IMMP2L: variants seen among roughly 807,000 people sequenced by gnomAD.
The protein encoded by IMMP2L is mitochondrial inner membrane protease subunit 2.
Under a neutral mutation model 19.3 loss-of-function variants are expected in IMMP2L, and 18 were observed. The observed-to-expected ratio is 0.93, with a 90% CI of 0.64 to 1.38. The LOEUF (loss-of-function observed/expected upper bound fraction) is 1.38, where lower values mean the gene tolerates loss of function less well. Among genes scored for constraint, IMMP2L ranks in the 40% most tolerant of loss-of-function variants. The pLI, the probability that IMMP2L is intolerant of heterozygous loss-of-function variation, is 0.00. For synonymous variants in IMMP2L, 76 were observed against 73.0 expected (o/e 1.04, Z -0.21); for missense variants, 233 against 218.2 (o/e 1.07, Z -0.43).
intron 3 of IMMP2L, among the ~76,000 whole-genome samples, chr7:111,217,600 G>A (rs1358035726): frequency 2.6e-5 from 4 of 152,182 alleles, no homozygotes; most frequent in South Asian, 4.1e-4. Flanking sequence ...AATAACGTCC[G>A]TTGAGTCAGA....
chr7:111,498,334 A>G (rs531777762), intron 2 of IMMP2L, among the ~76,000 whole-genome samples: 3 of 152,328 alleles, frequency 2.0e-5, no homozygotes, highest in Admixed American at 6.5e-5. Flanking sequence ...TCAATGAAAT[A>G]TAAAATTTAT....
chr7:111,539,174 AGGAAGGAAGGAAGGAAGGAG>A (rs1254991780), intron 1 of IMMP2L, among the ~76,000 whole-genome samples: 53 of 66,642 alleles, frequency 8.0e-4, no homozygotes, highest in African/African-American at 3.5e-3. Flanking sequence ...GAAGGAAGGA[AGGAAGGAAGGAAGGAAGGAG>A]GGAGAAAGAA....
At chr7:111,479,657 T>G (rs1563244266) in intron 3 of IMMP2L, among the ~76,000 whole-genome samples, 1 of 152,170 alleles carries the variant, frequency 6.6e-6, no homozygotes, top group East Asian at 1.9e-4. Flanking sequence ...CATATAATAT[T>G]TAACGTGTAT....
At chr7:110,944,473 G>A (rs547476465) in intron 4 of IMMP2L, among the ~76,000 whole-genome samples, 19 of 151,842 alleles carry the variant, frequency 1.3e-4, no homozygotes, top group Admixed American at 3.3e-4. Context: ...GCGCGCGCAC[G>A]TGTGTGTGTG....
chr7:110,955,858 C>T (rs1241795568), intron 4 of IMMP2L, among the ~76,000 whole-genome samples: 1 of 143,098 alleles, frequency 7.0e-6, no homozygotes, highest in East Asian at 2.0e-4. Context: ...TAAATGAATG[C>T]ATGATCTTCA....
intron 3 of IMMP2L, among the ~76,000 whole-genome samples, chr7:111,375,173 A>G (rs1041392657): frequency 6.6e-6 from 1 of 152,076 alleles, no homozygotes; most frequent in Admixed American, 6.6e-5. Context: ...GTATTTGCCA[A>G]ACATTAAAAG....
intron 3 of IMMP2L, among the ~76,000 whole-genome samples, chr7:111,104,730 T>C (rs1457955552): frequency 6.6e-6 from 1 of 151,812 alleles, no homozygotes; most frequent in Non-Finnish European, 1.5e-5. Flanking sequence ...AGCGATGAGA[T>C]GTTAATGTAT....
At chr7:110,777,301 C>T (rs189079291) in intron 5 of IMMP2L, among the ~76,000 whole-genome samples, 3 of 152,034 alleles carry the variant, frequency 2.0e-5, no homozygotes, top group African/African-American at 4.8e-5. Context: ...AATATGTGAA[C>T]ACAACTCTTC....
intron 4 of IMMP2L, among the ~76,000 whole-genome samples, chr7:110,891,535 T>C (rs777865616): frequency 6.6e-6 from 1 of 152,218 alleles, no homozygotes; most frequent in Non-Finnish European, 1.5e-5. Flanking sequence ...CATTTGGAAA[T>C]ACCCACCTTA....
intron 1 of IMMP2L, among the ~76,000 whole-genome samples, chr7:111,561,530 G>A (rs1268541394): frequency 6.6e-6 from 1 of 152,146 alleles, no homozygotes; most frequent in South Asian, 2.1e-4. Flanking sequence ...TAATAAGATA[G>A]GGGCCGGAGA....
intron 2 of IMMP2L, among the ~76,000 whole-genome samples, chr7:111,491,820 T>C (rs982555530): frequency 2.0e-5 from 3 of 152,146 alleles, no homozygotes; most frequent in Non-Finnish European, 4.4e-5. Context: ...ACTGTAAAGG[T>C]GACCTGGAGG....
chr7:111,068,155 C>CTACA (rs986037816), intron 3 of IMMP2L, among the ~76,000 whole-genome samples: 4 of 151,550 alleles, frequency 2.6e-5, no homozygotes, highest in Admixed American at 6.6e-5. Flanking sequence ...ACACACTCAC[C>CTACA]TACATACATA....
At chr7:111,151,386 G>A (rs1804055121) in intron 3 of IMMP2L, among the ~76,000 whole-genome samples, 1 of 152,146 alleles carries the variant, frequency 6.6e-6, no homozygotes. Context: ...AATTCAACAT[G>A]TGGGAAACTA....
intron 3 of IMMP2L, among the ~76,000 whole-genome samples, chr7:111,432,436 A>C (rs1169893399): frequency 6.6e-6 from 1 of 151,826 alleles, no homozygotes; most frequent in Non-Finnish European, 1.5e-5. Context: ...AATGTGATAC[A>C]TTGCATAAAC....
chr7:111,071,993 G>A (rs1794995044), intron 3 of IMMP2L, among the ~76,000 whole-genome samples: 1 of 152,050 alleles, frequency 6.6e-6, no homozygotes, highest in African/African-American at 2.4e-5. Flanking sequence ...CATGACAAAT[G>A]AGTGAAAATG....
chr7:111,194,372 C>G (rs1482480741), intron 3 of IMMP2L, among the ~76,000 whole-genome samples: 2 of 152,182 alleles, frequency 1.3e-5, no homozygotes, highest in African/African-American at 2.4e-5. Flanking sequence ...CATGTCAACA[C>G]TCATTTATCT....
chr7:111,440,231 A>G (rs943588589), intron 3 of IMMP2L, among the ~76,000 whole-genome samples: 1 of 151,906 alleles, frequency 6.6e-6, no homozygotes, highest in Non-Finnish European at 1.5e-5. Flanking sequence ...AATGGCATCT[A>G]GAATGGTGAA....
chr7:110,797,472 G>A (rs1350434737), intron 5 of IMMP2L, among the ~76,000 whole-genome samples: 2 of 151,956 alleles, frequency 1.3e-5, no homozygotes, highest in Non-Finnish European at 2.9e-5. Flanking sequence ...TCTCCCTGAT[G>A]TAATTAACCA....
intron 3 of IMMP2L, among the ~76,000 whole-genome samples, chr7:111,408,862 G>A (rs1391501017): frequency 6.6e-6 from 1 of 151,546 alleles, no homozygotes; most frequent in Admixed American, 6.6e-5. Flanking sequence ...AAAACACAAA[G>A]CACAGATGTA....
Sources: allele counts gnomAD v4.1 joint callset (sites outside exome capture counted in the v4.1 genomes callset), GRCh38; gene constraint gnomAD v4.1.1; transcripts MANE v1.5; gene names NCBI Gene and HGNC (gene_info 2026-07-23, HGNC 2026-07-21).